The following CTNNA3 variants were observed in gnomAD, a reference collection of about 807,000 sequenced individuals.
CTNNA3 encodes the protein catenin alpha 3.
Under a neutral mutation model 95.7 loss-of-function variants are expected in CTNNA3, and 76 were observed. The ratio of observed to expected loss-of-function variants is 0.79; its 90% confidence interval spans 0.66 to 0.96. CTNNA3 has a LOEUF of 0.96. Among genes scored for constraint, CTNNA3 ranks in the 40% least tolerant of loss-of-function variants. CTNNA3 has a pLI of 0.00. For synonymous variants in CTNNA3, 431 were observed against 374.4 expected (o/e 1.15, Z -1.74); for missense variants, 1,191 against 1,089.8 (o/e 1.09, Z -1.31).
intron 12 of CTNNA3, among the ~76,000 whole-genome samples, chr10:66,378,427 G>A (rs1222893906): frequency 1.3e-5 from 2 of 152,138 alleles, no homozygotes; most frequent in African/African-American, 4.8e-5. Flanking sequence ...TTCACAAAGG[G>A]TTTTCCCAGG....
intron 15 of CTNNA3, among the ~76,000 whole-genome samples, chr10:66,042,196 C>T (rs1331389966): frequency 6.6e-6 from 1 of 152,162 alleles, no homozygotes; most frequent in Admixed American, 6.6e-5. Flanking sequence ...TTCTTGATGA[C>T]ATCCGCTCTC....
chr10:66,269,884 C>A (rs1261466721), intron 13 of CTNNA3, among the ~76,000 whole-genome samples: 2 of 152,128 alleles, frequency 1.3e-5, no homozygotes, highest in East Asian at 3.9e-4. Context: ...CCACACGGAT[C>A]CGACTTTGCA....
At chr10:66,614,016 A>C (rs1281589792) in intron 10 of CTNNA3, among the ~76,000 whole-genome samples, 1 of 152,186 alleles carries the variant, frequency 6.6e-6, no homozygotes, top group East Asian at 1.9e-4. Context: ...CAAATAAAAA[A>C]CCCATACAAA....
intron 12 of CTNNA3, among the ~76,000 whole-genome samples, chr10:66,376,538 T>C (rs2092797982): frequency 6.6e-6 from 1 of 152,184 alleles, no homozygotes; most frequent in Non-Finnish European, 1.5e-5. Context: ...CTACAAAGTC[T>C]GATTAAAATC....
rs1484370911 is a variant in CTNNA3, at chr10:65,920,279, T to A, written c.*51A>T. The A allele has an allele frequency of 6.9e-7, 1 of 1,447,354 alleles. No homozygotes were observed. Among genetic ancestry groups the A allele is most frequent in the Non-Finnish European group, 9.5e-7 (1 of 1,051,872 alleles). The allele number at this position is 1,447,354 out of a possible 1,614,324, so 89.7% of individuals were successfully genotyped here. A position where few individuals can be genotyped will look rare whatever the true frequency, so the allele number is the denominator to read the frequency against. ...ACTTCTTAAGTGTAAAATAAAGCAGTGTGGTTAGGCAGGATTTTGTCATAT... is the reference window on the plus strand; with the variant it reads ...ACTTCTTAAGTGTAAAATAAAGCAGAGTGGTTAGGCAGGATTTTGTCATAT... On this transcript the variant is annotated 3_prime_UTR_variant, in exon 18 of 18. Transcript: ENST00000433211.
At chr10:67,478,622 C>T (rs1177702152) in intron 5 of CTNNA3, among the ~76,000 whole-genome samples, 2 of 152,076 alleles carry the variant, frequency 1.3e-5, no homozygotes, top group Non-Finnish European at 2.9e-5. Flanking sequence ...ACAAGAGATC[C>T]TTAAGGGAGT....
rs189993117 is a variant in CTNNA3 at position 66,383,701 on chromosome 10, G to T, written c.1532-4349C>A. Among the ~76,000 whole-genome samples, 4 of 152,290 alleles carry T rather than the reference G, an allele frequency of 2.6e-5. 1 individual carries two copies. Among genetic ancestry groups the T allele is most frequent in the Middle Eastern group, 6.8e-3 (2 of 294 alleles). ...GTGTTAACGGCAGCCAGAGAGAAAG[G>T]TTGAGTTACCCACAAAGGGAAGCCC... On this transcript the variant is annotated intron_variant, in intron 11 of 17. Coordinates refer to ENST00000433211, the MANE Select transcript of CTNNA3 (RefSeq NM_013266.4).
chr10:66,146,995 C>T (rs1195467512), intron 13 of CTNNA3, among the ~76,000 whole-genome samples: 1 of 152,088 alleles, frequency 6.6e-6, no homozygotes, highest in Non-Finnish European at 1.5e-5. Context: ...GAAAGAAATG[C>T]TTTTGTTCTG....
chr10:67,546,512 G>C (rs1238507205), intron 3 of CTNNA3, among the ~76,000 whole-genome samples: 1 of 152,078 alleles, frequency 6.6e-6, no homozygotes, highest in African/African-American at 2.4e-5. Context: ...GGGGTTAGAA[G>C]TTTCATATAC....
At chr10:66,461,193 C>A (rs2093526992) in intron 11 of CTNNA3, among the ~76,000 whole-genome samples, 1 of 152,002 alleles carries the variant, frequency 6.6e-6, no homozygotes, top group African/African-American at 2.4e-5. Context: ...CCCCAGGAAT[C>A]ACTGGAAACA....
chr10:65,925,320 T>G (rs746896630), intron 17 of CTNNA3, among the ~76,000 whole-genome samples: 1 of 152,194 alleles, frequency 6.6e-6, no homozygotes, highest in Non-Finnish European at 1.5e-5. Flanking sequence ...AAAATGAAAC[T>G]GTCCCCAACT....
intron 7 of CTNNA3, among the ~76,000 whole-genome samples, chr10:67,177,431 T>C (rs1007169596): frequency 8.5e-5 from 13 of 152,184 alleles, no homozygotes; most frequent in Middle Eastern, 3.2e-3. Context: ...TGAAGTCCCC[T>C]TCACCTAAAA....
At chr10:67,075,484 G>T (rs917318993) in intron 7 of CTNNA3, among the ~76,000 whole-genome samples, 2 of 152,152 alleles carry the variant, frequency 1.3e-5, no homozygotes, top group African/African-American at 4.8e-5. Flanking sequence ...ATGGAAAAGA[G>T]ATAAGAAAGG....
At chr10:66,062,854 T>C (rs1412235304) in intron 15 of CTNNA3, among the ~76,000 whole-genome samples, 1 of 152,158 alleles carries the variant, frequency 6.6e-6, no homozygotes. Flanking sequence ...TCAAATGATT[T>C]GTCACTCTAT....
intron 11 of CTNNA3, among the ~76,000 whole-genome samples, chr10:66,470,504 G>A (rs935021331): frequency 5.3e-5 from 8 of 151,944 alleles, no homozygotes; most frequent in African/African-American, 1.9e-4. Flanking sequence ...AAAGTGGATA[G>A]TTGGAATCAT....
intron 11 of CTNNA3, among the ~76,000 whole-genome samples, chr10:66,491,821 G>A (rs900975476): frequency 6.6e-5 from 10 of 152,250 alleles, no homozygotes; most frequent in African/African-American, 2.4e-4. Context: ...ACAATAAGAT[G>A]TGAACACACA....
intron 11 of CTNNA3, among the ~76,000 whole-genome samples, chr10:66,516,625 C>T (rs1840868543): frequency 6.6e-6 from 1 of 152,104 alleles, no homozygotes; most frequent in Admixed American, 6.5e-5. Context: ...TTAGGACTAC[C>T]ACTCCCTCTG....
chr10:66,673,477 G>A (rs1304928757), intron 9 of CTNNA3, among the ~76,000 whole-genome samples: 2 of 151,954 alleles, frequency 1.3e-5, no homozygotes, highest in African/African-American at 4.8e-5. Context: ...TAAAAGTAAT[G>A]ACCACAAATA....
At position 66,376,691 on chromosome 10, in the gene CTNNA3, A is replaced by G. The variant is rs16922913; in HGVS notation, c.1732+2461T>C. ...ACAACAATTCACTATAGCTCCTCAT[A>G]AAGTCATTTTCAGAAAGCAGGGTTA... On this transcript the variant is annotated intron_variant, in intron 12 of 17. Transcript: ENST00000433211. 4.8e-3 allele frequency among the ~76,000 whole-genome samples: 726 copies of G among 152,138 alleles called. 2 individuals carry two copies. Among genetic ancestry groups the G allele is most frequent in the Middle Eastern group, 0.017 (5 of 294 alleles).
Sources: allele counts gnomAD v4.1 joint callset (sites outside exome capture counted in the v4.1 genomes callset), GRCh38; gene constraint gnomAD v4.1.1; transcripts MANE v1.5; gene names NCBI Gene and HGNC (gene_info 2026-07-23, HGNC 2026-07-21).